CDH11: variants seen among roughly 807,000 people sequenced by gnomAD.
CDH11 encodes the protein cadherin 11.
In CDH11, 11 loss-of-function variants were observed where a neutral mutation model predicts 67.8. That is an observed-to-expected ratio of 0.16 (90% CI 0.10 to 0.27). The LOEUF (loss-of-function observed/expected upper bound fraction) is 0.27. Among genes scored for constraint, CDH11 ranks in the 10% least tolerant of loss-of-function variants. The probability of loss-of-function intolerance (pLI) is 1.00; values close to 1 mark genes in which losing one functional copy is unlikely to be tolerated. For missense variants in CDH11, 847 were observed against 1,031.2 expected, an observed-to-expected ratio of 0.82 and a Z score of 2.45; for synonymous variants, 419 against 400.0, an observed-to-expected ratio of 1.05 and a Z score of -0.57.
At chr16:65,030,059 C>T (rs1218496710) in intron 2 of CDH11, among the ~76,000 whole-genome samples, 1 of 152,136 alleles carries the variant, frequency 6.6e-6, no homozygotes, top group Non-Finnish European at 1.5e-5. Context: ...ATCTTTTATC[C>T]TAATCATAAG....
At chr16:64,948,599 G>A (rs1233435195) in intron 12 of CDH11, 2 of 1,604,628 alleles carry the variant, frequency 1.2e-6, no homozygotes, top group Middle Eastern at 3.3e-4. Flanking sequence ...AACTTAATGG[G>A]AAGTCTTACC....
chr16:65,038,602 G>C (rs537674389), intron 2 of CDH11, among the ~76,000 whole-genome samples: 1 of 152,274 alleles, frequency 6.6e-6, no homozygotes, highest in Admixed American at 6.5e-5. Context: ...TCTAAGCCTT[G>C]CTTCTAAATA....
Position 65,004,836 on chromosome 16 carries a change from C to G in CDH11, c.34G>C (p.Val12Leu). The G allele has an allele frequency of 6.4e-7, 1 of 1,569,002 alleles. No homozygotes were observed. Among genetic ancestry groups the G allele is most frequent in the South Asian group, 1.2e-5 (1 of 86,024 alleles). The change falls in exon 3 of 13, where the codon GTG (valine) becomes CTG (leucine). Residue 12 changes from valine to leucine, a missense_variant. Coordinates refer to ENST00000268603, the MANE Select transcript of CDH11 (RefSeq NM_001797.4). ...KENYCLQAAL[V>L]CLGMLCHSHA... is the part of the protein sequence containing the mutation. ...CTGTGGCACAGCATGCCCAGGCACACCAGGGCGGCTTGTAAACAGTAGTTC... is the reference window on the plus strand; with the variant it reads ...CTGTGGCACAGCATGCCCAGGCACAGCAGGGCGGCTTGTAAACAGTAGTTC...
At chr16:65,095,690 G>C (rs2074877888) in intron 1 of CDH11, among the ~76,000 whole-genome samples, 1 of 152,148 alleles carries the variant, frequency 6.6e-6, no homozygotes, top group South Asian at 2.1e-4. Flanking sequence ...GCTCTCATCT[G>C]AGATGTCTAG....
intron 1 of CDH11, among the ~76,000 whole-genome samples, chr16:65,075,096 G>A (rs986923174): frequency 1.3e-5 from 2 of 152,194 alleles, no homozygotes; most frequent in African/African-American, 4.8e-5. Flanking sequence ...AGGCTTGCAT[G>A]GCTGGTCGTC....
intron 7 of CDH11, among the ~76,000 whole-genome samples, chr16:64,983,988 T>G (rs773942781): frequency 6.6e-6 from 1 of 152,206 alleles, no homozygotes. Context: ...ATTTTCCCAC[T>G]GGGAAGCCCT....
At chr16:65,013,800 C>T (rs1252529995) in intron 2 of CDH11, among the ~76,000 whole-genome samples, 1 of 151,338 alleles carries the variant, frequency 6.6e-6, no homozygotes, top group Non-Finnish European at 1.5e-5. Flanking sequence ...GCACTTCAGC[C>T]TGGGCAACAG....
At chr16:65,021,269 C>G (rs1329365309) in intron 2 of CDH11, among the ~76,000 whole-genome samples, 1 of 152,170 alleles carries the variant, frequency 6.6e-6, no homozygotes, top group Non-Finnish European at 1.5e-5. Context: ...GAATGCAAAA[C>G]AGAACAGAGG....
At chr16:65,118,471 T>C (rs940169660) in intron 1 of CDH11, among the ~76,000 whole-genome samples, 5 of 152,208 alleles carry the variant, frequency 3.3e-5, no homozygotes, top group Non-Finnish European at 5.9e-5. Flanking sequence ...CAAATTTATA[T>C]AGACCAACTA....
At chr16:64,965,529 C>T (rs1478256352) in intron 11 of CDH11, among the ~76,000 whole-genome samples, 5 of 152,172 alleles carry the variant, frequency 3.3e-5, no homozygotes. Context: ...ACACATGGAG[C>T]TGTTGTCTTC....
At chr16:64,964,609 C>T (rs1490419268) in intron 11 of CDH11, among the ~76,000 whole-genome samples, 1 of 152,040 alleles carries the variant, frequency 6.6e-6, no homozygotes, top group East Asian at 1.9e-4. Flanking sequence ...AGTGCAGTGG[C>T]CCCATCTCGG....
chr16:65,043,358 G>A (rs944978660), intron 2 of CDH11, among the ~76,000 whole-genome samples: 1 of 151,530 alleles, frequency 6.6e-6, no homozygotes, highest in Non-Finnish European at 1.5e-5. Flanking sequence ...TGTTTACTAG[G>A]GGGTACCCTT....
At chr16:65,061,919 A>C (rs1434513387) in intron 1 of CDH11, among the ~76,000 whole-genome samples, 2 of 152,164 alleles carry the variant, frequency 1.3e-5, no homozygotes, top group Non-Finnish European at 2.9e-5. Context: ...GTTTTTCTTC[A>C]TTTCACAACT....
chr16:65,083,943 G>C (rs537238874), intron 1 of CDH11, among the ~76,000 whole-genome samples: 2 of 152,302 alleles, frequency 1.3e-5, no homozygotes, highest in East Asian at 3.9e-4. Flanking sequence ...TTTTCCAGGA[G>C]ACATTTGGTA....
At chr16:65,103,856 A>G (rs2075029361) in intron 1 of CDH11, among the ~76,000 whole-genome samples, 1 of 152,162 alleles carries the variant, frequency 6.6e-6, no homozygotes, top group Non-Finnish European at 1.5e-5. Context: ...CCAATAATTT[A>G]TATTATGTTA....
chr16:65,053,128 C>A (rs1240588634), intron 2 of CDH11, among the ~76,000 whole-genome samples: 1 of 152,166 alleles, frequency 6.6e-6, no homozygotes, highest in Non-Finnish European at 1.5e-5. Context: ...AGAATTAATT[C>A]TTAAATTTCT....
chr16:64,994,949 T>C (rs796068017), intron 4 of CDH11, among the ~76,000 whole-genome samples: 29 of 152,134 alleles, frequency 1.9e-4, no homozygotes, highest in African/African-American at 6.7e-4. Flanking sequence ...AAGAATACAG[T>C]GCGATTCACA....
intron 2 of CDH11, among the ~76,000 whole-genome samples, chr16:65,021,589 T>TA: frequency 1.4e-5 from 2 of 145,734 alleles, no homozygotes; most frequent in African/African-American, 2.5e-5. Flanking sequence ...TATATATATA[T>TA]TAGTTATCCA....
At chr16:65,016,336 T>C (rs2073308172) in intron 2 of CDH11, among the ~76,000 whole-genome samples, 1 of 152,098 alleles carries the variant, frequency 6.6e-6, no homozygotes, top group South Asian at 2.1e-4. Flanking sequence ...TTTTTTTAAG[T>C]TAAGGGTAAA....
Sources: gnomAD v4.1 joint callset for allele counts (sites outside exome capture counted in the v4.1 genomes callset) on GRCh38, gnomAD v4.1.1 for gene constraint, MANE v1.5 for transcripts, NCBI Gene and HGNC (gene_info 2026-07-23, HGNC 2026-07-21) for gene names.